Variants in GPC5 observed in about 807,000 individuals in gnomAD.
The protein encoded by GPC5 is glypican-5.
Under a neutral mutation model 53.9 loss-of-function variants are expected in GPC5, and 47 were observed. The observed-to-expected ratio is 0.87, with a 90% CI of 0.69 to 1.11. GPC5 has a LOEUF of 1.11. Among genes scored for constraint, GPC5 ranks in the 50% most tolerant of loss-of-function variants. GPC5 has a pLI of 0.00. For synonymous variants in GPC5, 286 were observed against 263.3 expected (o/e 1.09, Z -0.84); for missense variants, 748 against 713.1 (o/e 1.05, Z -0.56).
At chr13:91,712,725 C>G (rs2036253923) in intron 3 of GPC5, among the ~76,000 whole-genome samples, 1 of 151,866 alleles carries the variant, frequency 6.6e-6, no homozygotes, top group African/African-American at 2.4e-5. Flanking sequence ...GCTGAGTAGC[C>G]TTAGAACAAA....
chr13:92,702,349 C>A (rs1165553745), intron 7 of GPC5, among the ~76,000 whole-genome samples: 1 of 152,054 alleles, frequency 6.6e-6, no homozygotes, highest in African/African-American at 2.4e-5. Context: ...ACATCTCTAC[C>A]CAGAATGTCT....
At chr13:92,422,518 A>C (rs1298579421) in intron 7 of GPC5, among the ~76,000 whole-genome samples, 13 of 114,020 alleles carry the variant, frequency 1.1e-4, no homozygotes, top group East Asian at 8.9e-4. Flanking sequence ...ACACACACAC[A>C]CACACACACA....
chr13:91,768,581 T>A (rs528849336), intron 5 of GPC5, among the ~76,000 whole-genome samples: 8 of 152,292 alleles, frequency 5.3e-5, no homozygotes, highest in Non-Finnish European at 1.2e-4. Context: ...AATGAAATAT[T>A]CAGAAAAATG....
intron 6 of GPC5, among the ~76,000 whole-genome samples, chr13:91,944,936 T>G (rs1411603115): frequency 3.3e-5 from 5 of 152,176 alleles, no homozygotes; most frequent in Admixed American, 2.6e-4. Context: ...GAGGCCAAAA[T>G]GATTTTCTTT....
chr13:91,628,258 CT>C (rs5805710), intron 2 of GPC5, among the ~76,000 whole-genome samples: 75,283 of 151,352 alleles, frequency 0.5, 20,986 homozygotes, highest in Non-Finnish European at 0.61. Flanking sequence ...CTAGTTATAG[CT>C]TTTTTTTTCC....
rs1482241864 is a variant in GPC5, at chr13:91,552,673, T to C, written c.325+103751T>C. 3.3e-5 allele frequency among the ~76,000 whole-genome samples: 5 copies of C among 152,118 alleles called. No individual in the cohort carries two copies. The South Asian group carries it at 1.0e-3, about 31-fold the overall frequency. Reference sequence around the variant, plus strand: ...TTAAGGCACAGATCGCTCATGCTATTGTTTGTGGCTTAAGAATGCCTTTAA... The same window carrying C: ...TTAAGGCACAGATCGCTCATGCTATCGTTTGTGGCTTAAGAATGCCTTTAA... On this transcript the variant is annotated intron_variant, in intron 2 of 7. Transcript: ENST00000377067.
intron 6 of GPC5, among the ~76,000 whole-genome samples, chr13:92,012,034 C>T (rs1354504502): frequency 6.6e-6 from 1 of 152,130 alleles, no homozygotes; most frequent in African/African-American, 2.4e-5. Flanking sequence ...GAGCCTGTCA[C>T]AGTTGGGTAA....
rs185301413 is a variant in GPC5 at position 91,986,406 on chromosome 13, A to G, written c.1401+78349A>G. Among the ~76,000 whole-genome samples, 4 of 152,326 alleles carry G rather than the reference A, an allele frequency of 2.6e-5. No individual in the cohort carries two copies. In the East Asian group the frequency reaches 7.7e-4, roughly 29 times the overall value. On this transcript the variant is annotated intron_variant, in intron 6 of 7. Transcript: ENST00000377067. ...TTATTTTCTACTTTTTAAACACTTA[A>G]GTAACTTACTAGAAACTACGATTTA...
intron 5 of GPC5, among the ~76,000 whole-genome samples, chr13:91,778,878 C>G (rs997083619): frequency 3.3e-5 from 5 of 152,224 alleles, no homozygotes; most frequent in African/African-American, 1.2e-4. Context: ...CACACCTAGA[C>G]TATATGCTCC....
chr13:91,592,591 C>T (rs1169292580), intron 2 of GPC5, among the ~76,000 whole-genome samples: 1 of 152,212 alleles, frequency 6.6e-6, no homozygotes, highest in Non-Finnish European at 1.5e-5. Flanking sequence ...CTGTGGGCTC[C>T]TCTCCTGCTC....
chr13:92,770,801 C>T (rs190053901), intron 7 of GPC5, among the ~76,000 whole-genome samples: 209 of 152,232 alleles, frequency 1.4e-3, no homozygotes, highest in Non-Finnish European at 2.0e-3. Context: ...TTCAACCTTC[C>T]GTTTTAGCTG....
chr13:92,346,327 A>T (rs2043412011), intron 7 of GPC5, among the ~76,000 whole-genome samples: 1 of 152,186 alleles, frequency 6.6e-6, no homozygotes, highest in South Asian at 2.1e-4. Flanking sequence ...CAGGAAATAC[A>T]TCTGCTTCCT....
intron 2 of GPC5, 75 bp downstream of exon 2, chr13:91,448,997 A>T: frequency 6.8e-7 from 1 of 1,475,406 alleles, no homozygotes; most frequent in Non-Finnish European, 9.2e-7. Context: ...ACGTTGGCAA[A>T]CTTGGCTGGG....
At chr13:92,205,916 C>A (rs1485491342) in intron 7 of GPC5, among the ~76,000 whole-genome samples, 1 of 151,670 alleles carries the variant, frequency 6.6e-6, no homozygotes, top group Non-Finnish European at 1.5e-5. Flanking sequence ...ATGGCACATG[C>A]CTGTAACCTC....
Position 92,321,047 on chromosome 13 carries a change from G to A in GPC5, c.1561+176058G>A, listed in dbSNP as rs572633709. Among the ~76,000 whole-genome samples, 4 of 116,004 alleles carry A rather than the reference G, an allele frequency of 3.4e-5. No individual in the cohort carries two copies. In the South Asian group the frequency reaches 1.1e-3, roughly 31 times the overall value. 76.1% of individuals were successfully genotyped at this position (116,004 alleles called of 152,430 possible). A position where few individuals can be genotyped will look rare whatever the true frequency, so the allele number is the denominator to read the frequency against. On this transcript the variant is annotated intron_variant, in intron 7 of 7. Transcript: ENST00000377067. ...TTTCATACAATGTAGGATATTCTTA[G>A]AAACTACCTTCCTAAAAGTATGTGG...
At chr13:92,730,605 T>A (rs968112495) in intron 7 of GPC5, among the ~76,000 whole-genome samples, 9 of 105,472 alleles carry the variant, frequency 8.5e-5, no homozygotes, top group Non-Finnish European at 2.0e-4. Flanking sequence ...TTTTTATTTC[T>A]TTTTTTTTGC....
intron 6 of GPC5, among the ~76,000 whole-genome samples, chr13:91,933,588 C>T (rs187756864): frequency 3.5e-4 from 53 of 151,974 alleles, no homozygotes; most frequent in Non-Finnish European, 6.8e-4. Context: ...TAAAAGGTAC[C>T]GAAACATATA....
intron 6 of GPC5, among the ~76,000 whole-genome samples, chr13:92,058,831 A>G (rs1277101655): frequency 6.6e-6 from 1 of 152,198 alleles, no homozygotes; most frequent in African/African-American, 2.4e-5. Context: ...GGCGTGAACC[A>G]CCGCCCTTGG....
At chr13:91,594,985 CA>C (rs2032938750) in intron 2 of GPC5, among the ~76,000 whole-genome samples, 2 of 137,526 alleles carry the variant, frequency 1.5e-5, no homozygotes, top group Non-Finnish European at 3.1e-5. Flanking sequence ...TTTTTATTTA[CA>C]TTTATTTATT....
Sources: allele counts gnomAD v4.1 joint callset (sites outside exome capture counted in the v4.1 genomes callset), GRCh38; gene constraint gnomAD v4.1.1; transcripts MANE v1.5; gene names NCBI Gene and HGNC (gene_info 2026-07-23, HGNC 2026-07-21).